Variants in PEX7 observed in about 807,000 individuals in gnomAD.
PEX7 encodes the protein peroxisomal biogenesis factor 7.
In PEX7, 34 loss-of-function variants were observed where a neutral mutation model predicts 47.5. That is an observed-to-expected ratio of 0.72 (90% CI 0.54 to 0.95). PEX7 has a LOEUF of 0.95. Among genes scored for constraint, PEX7 ranks in the 40% least tolerant of loss-of-function variants. The pLI, the probability that PEX7 is intolerant of heterozygous loss-of-function variation, is 0.00. For synonymous variants in PEX7, 141 were observed against 148.8 expected (o/e 0.95, Z 0.38); for missense variants, 394 against 400.3 (o/e 0.98, Z 0.13).
chr6:136,913,654 A>T lies in PEX7; in HGVS notation c.*128A>T. On this transcript the variant is annotated 3_prime_UTR_variant, in exon 10 of 10. Coordinates refer to ENST00000318471, the MANE Select transcript of PEX7 (RefSeq NM_000288.4). Reference sequence around the variant, plus strand: ...TTCAGATTTCAAATCTTTCCAATTTACCCTGGAATCAGTTTTGAGGGAGCT... The same window carrying T: ...TTCAGATTTCAAATCTTTCCAATTTTCCCTGGAATCAGTTTTGAGGGAGCT... 1.3e-6 allele frequency: 1 copy of T among 768,780 alleles called. No individual in the cohort carries two copies. Among genetic ancestry groups the T allele is most frequent in the East Asian group, 2.5e-5 (1 of 40,128 alleles). The allele number at this position is 768,780 out of a possible 1,614,324, so 47.6% of individuals were successfully genotyped here. A position where few individuals can be genotyped will look rare whatever the true frequency, so the allele number is the denominator to read the frequency against.
chr6:136,822,970 A>G, intron 1 of PEX7, 175 bp downstream of exon 1: 1 of 985,454 alleles, frequency 1.0e-6, no homozygotes, highest in Non-Finnish European at 1.2e-6. Flanking sequence ...GCCGAGTGCG[A>G]GGAGTTGGTC....
chr6:136,905,585 AT>A (rs1413770025), intron 9 of PEX7, among the ~76,000 whole-genome samples: 3 of 152,034 alleles, frequency 2.0e-5, no homozygotes, highest in Non-Finnish European at 4.4e-5. Flanking sequence ...TTTGAAAAAA[AT>A]CTTCCTGTCC....
chr6:136,874,703 G>C (rs955161029), intron 8 of PEX7, among the ~76,000 whole-genome samples: 2 of 149,872 alleles, frequency 1.3e-5, no homozygotes, highest in African/African-American at 4.9e-5. Flanking sequence ...ATAAAGGAAT[G>C]TTGTAGGATT....
At chr6:136,847,846 A>C (rs940684844) in intron 5 of PEX7, among the ~76,000 whole-genome samples, 1 of 152,168 alleles carries the variant, frequency 6.6e-6, no homozygotes, top group Non-Finnish European at 1.5e-5. Context: ...TTGGTTCCAT[A>C]GGAACTTTAA....
chr6:136,880,385 A>G (rs561030809), intron 8 of PEX7, among the ~76,000 whole-genome samples: 1 of 152,118 alleles, frequency 6.6e-6, no homozygotes, highest in African/African-American at 2.4e-5. Flanking sequence ...GCCTTTTTCC[A>G]GTATTTTCAC....
At chr6:136,841,199 A>AGCTGTT (rs1256114276) in intron 3 of PEX7, among the ~76,000 whole-genome samples, 1 of 152,192 alleles carries the variant, frequency 6.6e-6, no homozygotes, top group Non-Finnish European at 1.5e-5. Context: ...GCTGTTTCTC[A>AGCTGTT]AACATCTCTC....
At chr6:136,853,500 T>G (rs1475365208) in intron 5 of PEX7, among the ~76,000 whole-genome samples, 1 of 152,168 alleles carries the variant, frequency 6.6e-6, no homozygotes, top group Non-Finnish European at 1.5e-5. Flanking sequence ...ATGCCCTGAG[T>G]TGTTGAATTA....
intron 5 of PEX7, among the ~76,000 whole-genome samples, chr6:136,848,972 G>C (rs192589068): frequency 2.0e-5 from 3 of 152,184 alleles, no homozygotes; most frequent in Admixed American, 1.3e-4. Flanking sequence ...CTGTGAATCT[G>C]TCTGGTTCTG....
intron 9 of PEX7, among the ~76,000 whole-genome samples, chr6:136,907,216 A>C (rs1047396045): frequency 1.3e-5 from 2 of 152,202 alleles, no homozygotes; most frequent in Non-Finnish European, 2.9e-5. Context: ...GGAAATACAC[A>C]GTGGATTAAT....
intron 5 of PEX7, among the ~76,000 whole-genome samples, chr6:136,847,934 G>A (rs889281379): frequency 1.3e-5 from 2 of 152,142 alleles, no homozygotes; most frequent in South Asian, 2.1e-4. Context: ...ATTACCTTGG[G>A]CAGTATGGCC....
intron 8 of PEX7, among the ~76,000 whole-genome samples, chr6:136,894,301 A>T (rs1002439291): frequency 6.6e-6 from 1 of 151,806 alleles, no homozygotes; most frequent in African/African-American, 2.4e-5. Flanking sequence ...TACTAAAAAT[A>T]CAAAAATTAG....
intron 3 of PEX7, among the ~76,000 whole-genome samples, chr6:136,833,674 T>C (rs575713307): frequency 5.3e-4 from 80 of 152,370 alleles, no homozygotes; most frequent in African/African-American, 1.9e-3. Flanking sequence ...AGCTTTTCCC[T>C]GTAAAGATTG....
intron 9 of PEX7, among the ~76,000 whole-genome samples, chr6:136,904,625 G>T (rs1479980264): frequency 1.3e-5 from 2 of 149,376 alleles, no homozygotes; most frequent in African/African-American, 2.5e-5. Context: ...GAGTTTCCCT[G>T]CACAAGCTTT....
At chr6:136,890,390 T>C (rs1775533821) in intron 8 of PEX7, among the ~76,000 whole-genome samples, 1 of 152,314 alleles carries the variant, frequency 6.6e-6, no homozygotes, top group South Asian at 2.1e-4. Context: ...CAGTGTGGCC[T>C]ATGGAAGGCA....
At chr6:136,891,965 G>A (rs924975947) in intron 8 of PEX7, among the ~76,000 whole-genome samples, 3 of 152,090 alleles carry the variant, frequency 2.0e-5, no homozygotes, top group African/African-American at 7.2e-5. Context: ...GTTACAGATC[G>A]TAAAGTAATA....
rs764661751 is a variant in PEX7 at position 136,877,956 on chromosome 6, TG to T, written c.803+5704del. 1.6e-4 allele frequency among the ~76,000 whole-genome samples: 24 copies of T among 152,340 alleles called. No homozygotes were observed. The South Asian group carries it at 1.9e-3, about 12-fold the overall frequency. ...CATGAGCATGGATTGTTTTTCCATTTGTTTGTGTCCTCTCTGATTTCCTTGA... is the reference window on the plus strand; with the variant it reads ...CATGAGCATGGATTGTTTTTCCATTTTTTGTGTCCTCTCTGATTTCCTTGA... On this transcript the variant is annotated intron_variant, in intron 8 of 9. Transcript: ENST00000318471.
chr6:136,871,621 TG>T (rs1775183033), intron 7 of PEX7, among the ~76,000 whole-genome samples: 1 of 152,154 alleles, frequency 6.6e-6, no homozygotes, highest in Non-Finnish European at 1.5e-5. Flanking sequence ...TGCAGTGGCA[TG>T]ATCTCGGCTC....
intron 6 of PEX7, among the ~76,000 whole-genome samples, chr6:136,867,948 C>T (rs890905064): frequency 6.6e-6 from 1 of 151,722 alleles, no homozygotes; most frequent in African/African-American, 2.4e-5. Flanking sequence ...CATTCACTCA[C>T]TGACTCACCC....
rs1775538444 is a variant in PEX7 at position 136,890,641 on chromosome 6, T to C, written c.804-7501T>C. 2.0e-5 allele frequency among the ~76,000 whole-genome samples: 3 copies of C among 152,170 alleles called. No individual in the cohort carries two copies. The South Asian group carries it at 6.2e-4, about 32-fold the overall frequency. On this transcript the variant is annotated intron_variant, in intron 8 of 9. Transcript: ENST00000318471. Reference sequence around the variant, plus strand: ...AAATAAAGGAGATCCTTGTAAGCAGTGCAGACATTCCACTACATGACAGCC... The same window carrying C: ...AAATAAAGGAGATCCTTGTAAGCAGCGCAGACATTCCACTACATGACAGCC...
Sources: gnomAD v4.1 joint callset for allele counts (sites outside exome capture counted in the v4.1 genomes callset) on GRCh38, gnomAD v4.1.1 for gene constraint, MANE v1.5 for transcripts, NCBI Gene and HGNC (gene_info 2026-07-23, HGNC 2026-07-21) for gene names.